The following MARVELD3 variants were observed in gnomAD, a reference collection of about 807,000 sequenced individuals.
MARVELD3 encodes MARVEL domain containing 3.
In MARVELD3, 28 loss-of-function variants were observed where a neutral mutation model predicts 33.5. The ratio of observed to expected loss-of-function variants is 0.84; its 90% CI spans 0.62 to 1.15. The LOEUF (loss-of-function observed/expected upper bound fraction) is 1.15. Ranked by LOEUF, MARVELD3 falls within the 50% of genes most tolerant of loss-of-function variation. The probability of loss-of-function intolerance (pLI) is 0.00; values close to 1 mark genes in which losing one functional copy is unlikely to be tolerated. For synonymous variants in MARVELD3, 241 were observed against 230.4 expected (o/e 1.05, Z -0.42); for missense variants, 582 against 547.6 (o/e 1.06, Z -0.63).
rs113317480 is a variant in MARVELD3 at position 71,634,912 on chromosome 16, C to T, written c.*109C>T. On this transcript the variant is annotated 3_prime_UTR_variant, in exon 3 of 3. Coordinates refer to ENST00000268485, the MANE Select transcript of MARVELD3 (RefSeq NM_052858.6). ...GAAGTTTCCAGTGCTGGAAAAGCAG[C>T]GAGCCAGCGTTGGTGTGGTGGGCGG... 13 of 1,482,860 alleles carry T rather than the reference C, an allele frequency of 8.8e-6. No individual in the cohort carries two copies. The highest frequency in any genetic ancestry group is 5.2e-5 in the Admixed American group (2 of 38,736). 91.9% of individuals were successfully genotyped at this position (1,482,860 alleles called of 1,614,324 possible).
chr16:71,631,746 A>G lies in MARVELD3; in HGVS notation c.595+2252A>G, dbSNP rs148068712. Among the ~76,000 whole-genome samples, 577 of 152,268 alleles carry G rather than the reference A, an allele frequency of 3.8e-3. 3 individuals carry two copies. The highest frequency in any genetic ancestry group is 0.013 in the African/African-American group (538 of 41,564). On this transcript the variant is annotated intron_variant, in intron 2 of 2. Coordinates refer to ENST00000268485, the MANE Select transcript of MARVELD3 (RefSeq NM_052858.6). The stretch of plus-strand genomic sequence containing the variant: ...CAGGCATGAGCCACCACGCCTGGCC[A>G]TATAACTTTCATAAATAAAATGGTG...
intron 2 of MARVELD3, among the ~76,000 whole-genome samples, chr16:71,630,992 C>T (rs1339472446): frequency 1.3e-5 from 2 of 152,108 alleles, no homozygotes; most frequent in African/African-American, 4.8e-5. Context: ...GCTTATAGTT[C>T]ACATGATTTG....
In MARVELD3 at chr16:71,626,423, G is replaced by A. The variant is rs1567602741; in HGVS notation, c.194G>A (p.Arg65Lys). ...CGGGACCCGGAGAGAGACCAGGAGA[G>A]GGACGGGAACCGCGACCGGAACCGG... is the stretch of plus-strand genomic sequence containing the variant. ...GDRDPERDQE[R>K]DGNRDRNRDR... Residue 65 changes from arginine (R) to lysine (K), a missense_variant, in exon 1 of 3, where the codon AGG (arginine) becomes AAG (lysine). Transcript: ENST00000268485. This position sits in a 1 kb window ranked among gnomAD's most constrained non-coding sequence, Gnocchi z 5.3. The A allele has an allele frequency of 1.3e-6, 2 of 1,546,670 alleles. No homozygotes were observed. Among genetic ancestry groups the A allele is most frequent in the South Asian group, 1.2e-5 (1 of 83,930 alleles).
chr16:71,639,273 GT>G (rs1412408767), downstream of MARVELD3: 1 of 151,416 alleles, frequency 6.6e-6, no homozygotes, highest in Non-Finnish European at 1.5e-5. Flanking sequence ...GTTTCACCAC[GT>G]TGTCCAGGCT....
downstream of MARVELD3, chr16:71,640,503 G>C: frequency 1.2e-6 from 2 of 1,614,092 alleles, no homozygotes; most frequent in Non-Finnish European, 1.7e-6. Flanking sequence ...CGGTGGCTTT[G>C]GGAACAACTA....
chr16:71,632,122 T>C (rs2044539497), intron 2 of MARVELD3, among the ~76,000 whole-genome samples: 1 of 152,240 alleles, frequency 6.6e-6, no homozygotes, highest in African/African-American at 2.4e-5. Flanking sequence ...TTTCTAACCT[T>C]CTTTCCTTTC....
At chr16:71,632,124 T>C (rs1403600389) in intron 2 of MARVELD3, among the ~76,000 whole-genome samples, 3 of 152,234 alleles carry the variant, frequency 2.0e-5, no homozygotes, top group Non-Finnish European at 4.4e-5. Flanking sequence ...TCTAACCTTC[T>C]TTCCTTTCAT....
At chr16:71,632,600 A>AT (rs1019006813) in intron 2 of MARVELD3, among the ~76,000 whole-genome samples, 3 of 149,264 alleles carry the variant, frequency 2.0e-5, no homozygotes, top group African/African-American at 2.5e-5. Context: ...TTTTTTTTTT[A>AT]TTTTTTATTT....
chr16:71,641,610 T>C (rs2044620052), exon 3 of MARVELD3: 1 of 151,502 alleles, frequency 6.6e-6, no homozygotes, highest in Non-Finnish European at 1.5e-5. Flanking sequence ...TCATCTGGGC[T>C]TGGTGGTGAA....
rs1482935574 is a variant in MARVELD3 at position 71,626,580 on chromosome 16, C to T, written c.351C>T (p.Asp117=). The T allele has an allele frequency of 6.5e-7, 1 of 1,546,040 alleles. No homozygotes were observed. The highest frequency in any genetic ancestry group is 1.4e-5 in the African/African-American group (1 of 73,126). Residue 117 remains aspartate (D), a synonymous_variant, in exon 1 of 3, where the codon GAC becomes GAT. Coordinates refer to ENST00000268485, the MANE Select transcript of MARVELD3 (RefSeq NM_052858.6). This position sits in a 1 kb window ranked among gnomAD's most constrained non-coding sequence, Gnocchi z 5.3. ...AACCGCGCCAAAGCCGGACGCGGGA[C>T]GGAGCCCGGGGACTGACCTGGGACG... ...WEKPRQSRTR[D]GARGLTWDAA...
intron 2 of MARVELD3, among the ~76,000 whole-genome samples, chr16:71,629,919 G>A (rs1047442124): frequency 4.6e-5 from 7 of 152,034 alleles, no homozygotes; most frequent in African/African-American, 1.7e-4. Flanking sequence ...AAGATCTGAC[G>A]CCCAACATTT....
chr16:71,636,151 A>C lies in MARVELD3; in HGVS notation c.*1348A>C. On this transcript the variant is annotated 3_prime_UTR_variant, in exon 3 of 3. Coordinates refer to ENST00000268485, the MANE Select transcript of MARVELD3 (RefSeq NM_052858.6). The stretch of plus-strand genomic sequence containing the variant: ...AACATTACAATATATTCTCGGTCCA[A>C]GTGAGTAAGTTCTTTGCTTTATGTG... 1 of 985,260 alleles carries C rather than the reference A, an allele frequency of 1.0e-6. No homozygotes were observed. Among genetic ancestry groups the C allele is most frequent in the Non-Finnish European group, 1.2e-6 (1 of 829,774 alleles). 61.0% of individuals were successfully genotyped at this position (985,260 alleles called of 1,614,324 possible).
intron 2 of MARVELD3, among the ~76,000 whole-genome samples, chr16:71,631,829 C>T (rs1035985410): frequency 6.6e-6 from 1 of 152,168 alleles, no homozygotes; most frequent in African/African-American, 2.4e-5. Context: ...TGTTTGCATT[C>T]TGGGGGAAAA....
At position 71,626,725 on chromosome 16, in the gene MARVELD3, C is replaced by A. The variant is rs946957014; in HGVS notation, c.467+29C>A. 1 of 1,423,700 alleles carries A rather than the reference C, an allele frequency of 7.0e-7. No homozygotes were observed. The allele number at this position is 1,423,700 out of a possible 1,614,324, so 88.2% of individuals were successfully genotyped here. ...AGAGGGGCCGGGGCGCTGCGACCTC[C>A]GCGCCGGGGACACCTGTGGCCCAGG... On this transcript the variant is annotated intron_variant, in intron 1 of 2. Coordinates refer to ENST00000268485, the MANE Select transcript of MARVELD3 (RefSeq NM_052858.6). The surrounding 1 kb of genome is among the most constrained non-coding windows in gnomAD (Gnocchi z 5.3).
chr16:71,635,223 G>A lies in MARVELD3; in HGVS notation c.*420G>A. On this transcript the variant is annotated 3_prime_UTR_variant, in exon 3 of 3. Coordinates refer to ENST00000268485, the MANE Select transcript of MARVELD3 (RefSeq NM_052858.6). Reference sequence around the variant, plus strand: ...GGGCGCCTGTAATCCCAGCTACTTGGGAGGCTGAGGCAGGAGAATCGCTTG... The same window carrying A: ...GGGCGCCTGTAATCCCAGCTACTTGAGAGGCTGAGGCAGGAGAATCGCTTG... 1.2e-6 allele frequency: 1 copy of A among 803,706 alleles called. No individual in the cohort carries two copies. The highest frequency in any genetic ancestry group is 1.5e-6 in the Non-Finnish European group (1 of 663,330). 49.8% of individuals were successfully genotyped at this position (803,706 alleles called of 1,614,324 possible).
chr16:71,637,695 A>C (rs2044590500), downstream of MARVELD3: 1 of 152,182 alleles, frequency 6.6e-6, no homozygotes, highest in Admixed American at 6.5e-5. Flanking sequence ...CCTGATTATA[A>C]ACATCATGGT....
intron 2 of MARVELD3, among the ~76,000 whole-genome samples, chr16:71,630,442 A>G (rs1444285478): frequency 6.6e-6 from 1 of 152,132 alleles, no homozygotes; most frequent in Non-Finnish European, 1.5e-5. Context: ...CCTGACTAAC[A>G]TGGAGAAACC....
At chr16:71,640,563 C>CA, downstream of MARVELD3, 1 of 1,614,180 alleles carries the variant, frequency 6.2e-7, no homozygotes, top group South Asian at 1.1e-5. Flanking sequence ...GCAGCTGGAC[C>CA]AGCAGTACAC....
downstream of MARVELD3, chr16:71,640,264 C>CAAA (rs370433791): frequency 3.9e-4 from 347 of 888,602 alleles, no homozygotes; most frequent in Non-Finnish European, 4.7e-4. Flanking sequence ...GACACCGTCT[C>CAAA]AAAAAAAAAA....
Sources: allele counts gnomAD v4.1 joint callset (sites outside exome capture counted in the v4.1 genomes callset), GRCh38; gene constraint gnomAD v4.1.1; non-coding constraint Gnocchi (gnomAD v3.1); transcripts MANE v1.5; gene names NCBI Gene and HGNC (gene_info 2026-07-23, HGNC 2026-07-21).